CDK14: variants seen among roughly 807,000 people sequenced by gnomAD.
The protein encoded by CDK14 is cyclin dependent kinase 14, also known as cyclin-dependent kinase 14.
Under a neutral mutation model 60.7 loss-of-function variants are expected in CDK14, and 34 were observed. The ratio of observed to expected loss-of-function variants is 0.56; its 90% CI spans 0.43 to 0.75. CDK14 has a LOEUF of 0.75. Ranked by LOEUF, CDK14 falls within the 30% of genes least tolerant of loss-of-function variation. The probability of loss-of-function intolerance (pLI) is 0.00; values close to 1 mark genes in which losing one functional copy is unlikely to be tolerated. For missense variants in CDK14, 482 were observed against 564.1 expected (o/e 0.85, Z 1.47); for synonymous variants, 197 against 203.7 (o/e 0.97, Z 0.28).
intron 14 of CDK14, among the ~76,000 whole-genome samples, chr7:91,156,292 A>C (rs542724653): frequency 6.6e-6 from 1 of 152,306 alleles, no homozygotes; most frequent in South Asian, 2.1e-4. Context: ...ATTTTTCCCC[A>C]AAATATGTGG....
At position 90,717,215 on chromosome 7, in the gene CDK14, A is replaced by G. The variant is rs569339292; in HGVS notation, c.124-9352A>G. Among the ~76,000 whole-genome samples, 3 of 152,216 alleles carry G rather than the reference A, an allele frequency of 2.0e-5. No individual in the cohort carries two copies. The South Asian group carries it at 6.2e-4, about 32-fold the overall frequency. On this transcript the variant is annotated intron_variant, in intron 2 of 14. Coordinates refer to ENST00000380050, the MANE Select transcript of CDK14 (RefSeq NM_001287135.2). ...AGTATAGAAGTCAGGAAGTATAGGC[A>G]TCTACCTATATGAGCCTATAAACAA...
rs148813995 is a variant in CDK14, at chr7:90,878,216, G to A, written c.639+14947G>A. On this transcript the variant is annotated intron_variant, in intron 6 of 14. Coordinates refer to ENST00000380050, the MANE Select transcript of CDK14 (RefSeq NM_001287135.2). ...TATAGTGGCTGGTTTCTCCTTGAAA[G>A]GAGGACTTACTACAGGAAGTAATAT... 4.5e-3 allele frequency among the ~76,000 whole-genome samples: 688 copies of A among 152,134 alleles called. 9 individuals are homozygous for A. Among genetic ancestry groups the A allele is most frequent in the African/African-American group, 0.016 (661 of 41,452 alleles).
intron 4 of CDK14, among the ~76,000 whole-genome samples, chr7:90,785,442 G>T (rs917415710): frequency 2.0e-5 from 3 of 152,036 alleles, no homozygotes; most frequent in African/African-American, 7.2e-5. Context: ...AGCTAAGTGG[G>T]GAGTTTTCCT....
chr7:90,834,518 T>C (rs944705538), intron 5 of CDK14, among the ~76,000 whole-genome samples: 9 of 152,230 alleles, frequency 5.9e-5, no homozygotes, highest in Admixed American at 5.2e-4. Flanking sequence ...GGGAAGAAAT[T>C]GGAGGTTTTG....
At chr7:91,056,021 C>G (rs183068330) in intron 11 of CDK14, among the ~76,000 whole-genome samples, 1 of 152,202 alleles carries the variant, frequency 6.6e-6, no homozygotes, top group Non-Finnish European at 1.5e-5. Context: ...ATAAAGTCCT[C>G]CATAACTCCT....
At chr7:90,678,584 A>G (rs1801248000) in intron 2 of CDK14, among the ~76,000 whole-genome samples, 1 of 152,180 alleles carries the variant, frequency 6.6e-6, no homozygotes, top group African/African-American at 2.4e-5. Context: ...TAGCCTCTTC[A>G]GGTTAAGGGT....
chr7:90,963,722 T>C (rs1207070149), intron 9 of CDK14, among the ~76,000 whole-genome samples: 3 of 146,142 alleles, frequency 2.1e-5, no homozygotes, highest in Non-Finnish European at 3.0e-5. Context: ...TTTTTTTTTT[T>C]TTTTTTTTTT....
intron 2 of CDK14, among the ~76,000 whole-genome samples, chr7:90,636,006 G>A (rs947214887): frequency 6.6e-5 from 10 of 151,712 alleles, no homozygotes; most frequent in African/African-American, 2.4e-4. Context: ...CTTTGCTGAA[G>A]TTGCTTATCA....
chr7:91,027,942 G>A (rs1171567713), intron 10 of CDK14, among the ~76,000 whole-genome samples: 7 of 68,148 alleles, frequency 1.0e-4, no homozygotes, highest in African/African-American at 4.1e-4. Context: ...GCTCCCCTCC[G>A]CTCCACTCCC....
At chr7:90,654,632 G>A (rs10277766) in intron 2 of CDK14, among the ~76,000 whole-genome samples, 23,858 of 152,050 alleles carry the variant, frequency 0.16, 2,014 homozygotes, top group African/African-American at 0.22. Context: ...AGTTTGGGAA[G>A]GCCTGTCAGT....
At chr7:91,169,200 G>A (rs1012924634) in intron 14 of CDK14, among the ~76,000 whole-genome samples, 8 of 152,160 alleles carry the variant, frequency 5.3e-5, no homozygotes, top group East Asian at 1.9e-4. Context: ...GCGTGATACC[G>A]CTTTGATAGA....
intron 3 of CDK14, among the ~76,000 whole-genome samples, chr7:90,733,791 A>G (rs1040506676): frequency 6.6e-6 from 1 of 152,156 alleles, no homozygotes; most frequent in African/African-American, 2.4e-5. Flanking sequence ...TAATTGGGGC[A>G]TTTGACCTAT....
chr7:91,199,685 C>T (rs998426400), intron 14 of CDK14, among the ~76,000 whole-genome samples: 2 of 152,174 alleles, frequency 1.3e-5, no homozygotes, highest in Non-Finnish European at 2.9e-5. Context: ...AAATGTTAGA[C>T]TTACAGCTTT....
chr7:91,049,028 C>T (rs1797314199), intron 11 of CDK14, among the ~76,000 whole-genome samples: 1 of 147,182 alleles, frequency 6.8e-6, no homozygotes, highest in African/African-American at 2.5e-5. Context: ...ATAGGTGATG[C>T]CACTATGTCT....
chr7:91,096,754 A>G (rs1026341919), intron 12 of CDK14, among the ~76,000 whole-genome samples: 2 of 152,076 alleles, frequency 1.3e-5, no homozygotes, highest in African/African-American at 4.8e-5. Flanking sequence ...AGTAAAGTAA[A>G]ATTTATTTAT....
intron 5 of CDK14, among the ~76,000 whole-genome samples, chr7:90,805,177 G>A (rs985529502): frequency 6.6e-6 from 1 of 152,066 alleles, no homozygotes; most frequent in Non-Finnish European, 1.5e-5. Flanking sequence ...AATTCGTAAT[G>A]TACTTGTAAA....
chr7:91,007,900 T>G (rs1474486748), intron 10 of CDK14, among the ~76,000 whole-genome samples: 2 of 152,112 alleles, frequency 1.3e-5, no homozygotes, highest in Non-Finnish European at 2.9e-5. Flanking sequence ...TGAATACATT[T>G]TTACATTATA....
intron 11 of CDK14, among the ~76,000 whole-genome samples, chr7:91,076,879 C>A (rs955084423): frequency 6.6e-5 from 10 of 152,226 alleles, no homozygotes; most frequent in Admixed American, 6.5e-4. Flanking sequence ...TTTATACAGC[C>A]AACAAACATA....
intron 2 of CDK14, among the ~76,000 whole-genome samples, chr7:90,622,483 G>T (rs1334200328): frequency 2.0e-5 from 3 of 152,084 alleles, no homozygotes; most frequent in Admixed American, 1.3e-4. Context: ...GCATGCAATT[G>T]GGCATAAAAG....
Sources: gnomAD v4.1 joint callset for allele counts (sites outside exome capture counted in the v4.1 genomes callset) on GRCh38, gnomAD v4.1.1 for gene constraint, MANE v1.5 for transcripts, NCBI Gene and HGNC (gene_info 2026-07-23, HGNC 2026-07-21) for gene names.